RASSF2: variants seen among roughly 807,000 people sequenced by gnomAD.
RASSF2 encodes Ras association domain family member 2, also known as ras association domain-containing protein 2.
Under a neutral mutation model 46.3 loss-of-function variants are expected in RASSF2, and 34 were observed. The ratio of observed to expected loss-of-function variants is 0.73; its 90% CI spans 0.56 to 0.98. The LOEUF (loss-of-function observed/expected upper bound fraction) is 0.98. RASSF2 is among the 50% of genes least tolerant of loss of function. The pLI is 0.00. For synonymous variants in RASSF2, 158 were observed against 162.5 expected, an observed-to-expected ratio of 0.97 and a Z score of 0.21; for missense variants, 364 against 431.2, an observed-to-expected ratio of 0.84 and a Z score of 1.38.
In RASSF2 at chr20:4,819,949, C is replaced by T. The variant is rs1442397072; in HGVS notation, c.-33+2380G>A. Among the ~76,000 whole-genome samples, 5 of 152,194 alleles carry T rather than the reference C, an allele frequency of 3.3e-5. No individual in the cohort carries two copies. The East Asian group carries it at 9.6e-4, about 29-fold the overall frequency. The stretch of plus-strand genomic sequence containing the variant: ...GCCTTGAGCAGCAGCAGTTCCCCAG[C>T]CCCAAGCTGTCACCGCAAACAGCAG... On this transcript the variant is annotated intron_variant, in intron 2 of 11. Coordinates refer to ENST00000379400, the MANE Select transcript of RASSF2 (RefSeq NM_014737.3).
chr20:4,801,129 G>C, intron 2 of RASSF2, 67 bp from the exon 3 acceptor site: 3 of 1,284,156 alleles, frequency 2.3e-6, no homozygotes. Flanking sequence ...GCAGAACTTG[G>C]GGTGGGGAGG....
At position 4,791,798 on chromosome 20, in the gene RASSF2, T is replaced by G. The variant is rs568512671; in HGVS notation, c.376+741A>C. ...TAAATGTCTACCAGTAGGGAGTGAT[T>G]ACATAAATTATCCTTTTTCCATACA... On this transcript the variant is annotated intron_variant, in intron 6 of 11. Coordinates refer to ENST00000379400, the MANE Select transcript of RASSF2 (RefSeq NM_014737.3). Among the ~76,000 whole-genome samples the G allele has an allele frequency of 2.5e-4, 38 of 152,286 alleles. 1 individual carries two copies. In the South Asian group the frequency reaches 7.0e-3, roughly 28 times the overall value.
chr20:4,814,340 A>T (rs865775079), intron 2 of RASSF2, among the ~76,000 whole-genome samples: 1 of 152,150 alleles, frequency 6.6e-6, no homozygotes, highest in African/African-American at 2.4e-5. Flanking sequence ...TTTCTTTGGT[A>T]TCGACACTTC....
Position 4,786,214 on chromosome 20 carries a change from C to T in RASSF2, c.911+17G>A. ...CCCCAGGAGAAGTGCACCCAGTGCC[C>T]CAGAAGCCACACTTACTTGCGCATC... On this transcript the variant is annotated intron_variant, in intron 11 of 11. Transcript: ENST00000379400. The T allele has an allele frequency of 1.3e-6, 2 of 1,586,542 alleles. No homozygotes were observed. Among genetic ancestry groups the T allele is most frequent in the Non-Finnish European group, 1.7e-6 (2 of 1,155,108 alleles).
At chr20:4,804,738 A>G (rs1442529672) in intron 2 of RASSF2, among the ~76,000 whole-genome samples, 1 of 152,106 alleles carries the variant, frequency 6.6e-6, no homozygotes, top group African/African-American at 2.4e-5. Flanking sequence ...CACATTCAAC[A>G]AGCATTTATT....
At chr20:4,823,256 G>A (rs1076056) in intron 1 of RASSF2, among the ~76,000 whole-genome samples, 1 of 151,950 alleles carries the variant, frequency 6.6e-6, no homozygotes, top group Non-Finnish European at 1.5e-5. Flanking sequence ...ACCTTGCGCC[G>A]GGCATCCCGC....
intron 11 of RASSF2, among the ~76,000 whole-genome samples, chr20:4,785,895 A>C (rs573065287): frequency 3.1e-4 from 47 of 152,322 alleles, no homozygotes; most frequent in African/African-American, 1.1e-3. Flanking sequence ...CGTATACTTA[A>C]GAAACCAGCG....
At position 4,803,478 on chromosome 20, in the gene RASSF2, G is replaced by C. The variant is rs113987765; in HGVS notation, c.-32-2416C>G. Among the ~76,000 whole-genome samples the C allele has an allele frequency of 8.8e-3, 1,346 of 152,306 alleles. 14 individuals carry two copies. Among genetic ancestry groups the C allele is most frequent in the South Asian group, 0.031 (148 of 4,822 alleles). Reference sequence around the variant, plus strand: ...GAGATAATCAATTAGCGTTGGCCAGGCATGGTGGTTCATGCCCGTGACTGC... The same window carrying C: ...GAGATAATCAATTAGCGTTGGCCAGCCATGGTGGTTCATGCCCGTGACTGC... On this transcript the variant is annotated intron_variant, in intron 2 of 11. Transcript: ENST00000379400.
Position 4,812,957 on chromosome 20 carries a change from C to T in RASSF2, c.-33+9372G>A, listed in dbSNP as rs1469481498. ...GGATGGGAGGCGAGTGAGTGACCAG[C>T]CCAGAGGACAAGCTGTGGGAAAAGC... On this transcript the variant is annotated intron_variant, in intron 2 of 11. Coordinates refer to ENST00000379400, the MANE Select transcript of RASSF2 (RefSeq NM_014737.3). This position sits in a 1 kb window ranked among gnomAD's most constrained non-coding sequence, Gnocchi z 4.0. Among the ~76,000 whole-genome samples the T allele has an allele frequency of 1.3e-5, 2 of 152,080 alleles. No individual in the cohort carries two copies. The highest frequency in any genetic ancestry group is 4.8e-5 in the African/African-American group (2 of 41,404).
At position 4,816,073 on chromosome 20, in the gene RASSF2, G is replaced by A. The variant is rs762392670; in HGVS notation, c.-33+6256C>T. Reference sequence around the variant, plus strand: ...TCCCAGCAATTTGGGAGGCCGAGACGGGAGGATGGCTTGCATGCAGGAGTT... The same window carrying A: ...TCCCAGCAATTTGGGAGGCCGAGACAGGAGGATGGCTTGCATGCAGGAGTT... On this transcript the variant is annotated intron_variant, in intron 2 of 11. Coordinates refer to ENST00000379400, the MANE Select transcript of RASSF2 (RefSeq NM_014737.3). 2.6e-5 allele frequency among the ~76,000 whole-genome samples: 4 copies of A among 152,300 alleles called. 1 individual carries two copies. Among genetic ancestry groups the A allele is most frequent in the South Asian group, 4.1e-4 (2 of 4,822 alleles).
rs540962792 is a variant in RASSF2, at chr20:4,803,825, G to A, written c.-32-2763C>T. On this transcript the variant is annotated intron_variant, in intron 2 of 11. Transcript: ENST00000379400. ...TGTAATCTCAGCACTTCAGGAAGCC[G>A]AGGAGGGAGGATCGCTTGAGCCCAG... Among the ~76,000 whole-genome samples, 124 of 151,498 alleles carry A rather than the reference G, an allele frequency of 8.2e-4. No homozygotes were observed. In the Middle Eastern group the frequency reaches 0.024, roughly 29 times the overall value.
At chr20:4,820,659 C>G (rs954050452) in intron 2 of RASSF2, among the ~76,000 whole-genome samples, 1 of 152,040 alleles carries the variant, frequency 6.6e-6, no homozygotes, top group Non-Finnish European at 1.5e-5. Flanking sequence ...GAATTTCTAC[C>G]CCTTGCTTTA....
At chr20:4,802,994 G>A (rs557719800) in intron 2 of RASSF2, among the ~76,000 whole-genome samples, 7 of 149,818 alleles carry the variant, frequency 4.7e-5, no homozygotes, top group South Asian at 2.1e-4. Flanking sequence ...CTGCAGCCTC[G>A]ACTTTCCCAG....
intron 1 of RASSF2, among the ~76,000 whole-genome samples, chr20:4,822,832 A>G (rs968871239): frequency 1.3e-5 from 2 of 152,042 alleles, no homozygotes; most frequent in Non-Finnish European, 2.9e-5. Context: ...GAATCCGCCT[A>G]GAAGACGGCG....
chr20:4,791,050 G>A (rs1411642620), intron 6 of RASSF2, among the ~76,000 whole-genome samples: 4 of 152,124 alleles, frequency 2.6e-5, no homozygotes, highest in Non-Finnish European at 4.4e-5. Flanking sequence ...TGCTACCCAC[G>A]GATGAACCTT....
chr20:4,788,150 T>A, intron 9 of RASSF2, 67 bp downstream of exon 9: 1 of 1,367,180 alleles, frequency 7.3e-7, no homozygotes, highest in Non-Finnish European at 1.0e-6. Flanking sequence ...GAGGCAGAGG[T>A]ATTTTTTTAA....
chr20:4,798,829 A>C (rs111475982), intron 3 of RASSF2, among the ~76,000 whole-genome samples: 1,454 of 138,436 alleles, frequency 0.011, 23 homozygotes, highest in African/African-American at 0.041. Context: ...CCATCTCAAA[A>C]AAACAAACAA....
At position 4,784,091 on chromosome 20, in the gene RASSF2, G is replaced by T; in HGVS notation, c.*182C>A. On this transcript the variant is annotated 3_prime_UTR_variant, in exon 12 of 12. Transcript: ENST00000379400. ...GTGAGCAGAAAAAAGGAGGGCAGGG[G>T]TCCAGGGATAGGGAGCTGTCTGCTG... 1 of 632,304 alleles carries T rather than the reference G, an allele frequency of 1.6e-6. No homozygotes were observed. Among genetic ancestry groups the T allele is most frequent in the Non-Finnish European group, 2.8e-6 (1 of 355,026 alleles). 39.2% of individuals were successfully genotyped at this position (632,304 alleles called of 1,614,324 possible). A position where few individuals can be genotyped will look rare whatever the true frequency, so the allele number is the denominator to read the frequency against.
intron 3 of RASSF2, among the ~76,000 whole-genome samples, chr20:4,798,693 G>A (rs1926589793): frequency 6.6e-6 from 1 of 151,422 alleles, no homozygotes; most frequent in Non-Finnish European, 1.5e-5. Context: ...AGGCGTGGTG[G>A]TGCACACCTG....
Sources: gnomAD v4.1 joint callset for allele counts (sites outside exome capture counted in the v4.1 genomes callset) on GRCh38, gnomAD v4.1.1 for gene constraint, Gnocchi (gnomAD v3.1) non-coding constraint, MANE v1.5 for transcripts, NCBI Gene and HGNC (gene_info 2026-07-23, HGNC 2026-07-21) for gene names.